SPATA6: variants seen among roughly 807,000 people sequenced by gnomAD.
SPATA6 encodes the protein spermatogenesis associated 6.
SPATA6 carries 56 observed loss-of-function variants against 65.3 expected under a neutral mutation model. That is an observed-to-expected ratio of 0.86 (90% CI 0.69 to 1.07). The LOEUF is 1.07. Ranked by LOEUF, SPATA6 falls within the 50% of genes least tolerant of loss-of-function variation. The pLI is 0.00. For missense variants in SPATA6, 590 were observed against 594.8 expected (o/e 0.99, Z 0.08); for synonymous variants, 199 against 213.2 (o/e 0.93, Z 0.58).
At chr1:48,314,292 T>C (rs528266898) in intron 11 of SPATA6, among the ~76,000 whole-genome samples, 111 of 152,252 alleles carry the variant, frequency 7.3e-4, no homozygotes, top group African/African-American at 2.6e-3. Context: ...TAGTTGGAAG[T>C]AAAGCACTCC....
intron 1 of SPATA6, 61 bp downstream of exon 1, chr1:48,471,897 G>C: frequency 1.3e-6 from 2 of 1,588,376 alleles, no homozygotes; most frequent in Non-Finnish European, 1.7e-6. Flanking sequence ...CGGGCTCTCG[G>C]AGGTGACTGA....
chr1:48,267,211 G>A, the SPATA6 span, among the ~76,000 whole-genome samples: 22 of 152,208 alleles, frequency 1.4e-4, no homozygotes, highest in East Asian at 3.9e-3. Flanking sequence ...GCATGCAGAC[G>A]GGCAGGTCGT....
At chr1:48,362,407 C>A (rs1037259496) in intron 9 of SPATA6, among the ~76,000 whole-genome samples, 1 of 151,928 alleles carries the variant, frequency 6.6e-6, no homozygotes, top group Non-Finnish European at 1.5e-5. Flanking sequence ...GATGGCAGAC[C>A]ACTTCATTTT....
chr1:48,280,762 G>A, the SPATA6 span, among the ~76,000 whole-genome samples: 2 of 152,124 alleles, frequency 1.3e-5, no homozygotes, highest in Non-Finnish European at 2.9e-5. Flanking sequence ...GTACAAGGAG[G>A]AACTGGTACC....
chr1:48,304,999 G>A (rs1645026868), intron 12 of SPATA6, among the ~76,000 whole-genome samples: 1 of 152,108 alleles, frequency 6.6e-6, no homozygotes, highest in African/African-American at 2.4e-5. Context: ...TTAAAGAGAG[G>A]CCTAGGTTGC....
chr1:48,365,716 A>T (rs1022131152), intron 9 of SPATA6, among the ~76,000 whole-genome samples: 1 of 152,010 alleles, frequency 6.6e-6, no homozygotes, highest in Admixed American at 6.6e-5. Flanking sequence ...GGTTTTCTAG[A>T]TATACAATCA....
At chr1:48,454,173 G>C (rs1307375905) in intron 1 of SPATA6, among the ~76,000 whole-genome samples, 2 of 151,904 alleles carry the variant, frequency 1.3e-5, no homozygotes, top group South Asian at 4.2e-4. Flanking sequence ...AGTCTCTCCA[G>C]TACCTACCAT....
intron 8 of SPATA6, among the ~76,000 whole-genome samples, chr1:48,394,120 C>T (rs1570434863): frequency 6.6e-6 from 1 of 152,030 alleles, no homozygotes. Context: ...AGCTATATGG[C>T]AATCCTTTGT....
downstream of SPATA6, among the ~76,000 whole-genome samples, chr1:48,294,372 C>T (rs1245651298): frequency 3.3e-5 from 5 of 152,096 alleles, no homozygotes; most frequent in Admixed American, 6.6e-5. Flanking sequence ...CCACTGCATC[C>T]GGCTGTCTAT....
downstream of SPATA6, among the ~76,000 whole-genome samples, chr1:48,290,757 T>A (rs940641471): frequency 6.6e-6 from 1 of 152,156 alleles, no homozygotes; most frequent in Non-Finnish European, 1.5e-5. Context: ...AAAAGGCCAT[T>A]ACATAATGGT....
At chr1:48,347,504 A>T (rs1646402552) in intron 11 of SPATA6, among the ~76,000 whole-genome samples, 1 of 146,360 alleles carries the variant, frequency 6.8e-6, no homozygotes, top group African/African-American at 2.5e-5. Context: ...ATGTATATAT[A>T]ATGTATATAT....
chr1:48,343,486 TCAATA>T (rs1646275670), intron 11 of SPATA6, among the ~76,000 whole-genome samples: 1 of 152,118 alleles, frequency 6.6e-6, no homozygotes, highest in Non-Finnish European at 1.5e-5. Context: ...ATAAGAAAAT[TCAATA>T]CTTTTGTAAC....
At chr1:48,413,259 C>A in intron 3 of SPATA6, 108 bp from the exon 4 acceptor site, 2 of 357,168 alleles carry the variant, frequency 5.6e-6, no homozygotes, top group East Asian at 7.2e-5. Flanking sequence ...AGGTAGACTA[C>A]ATATATGTTT....
At chr1:48,362,577 C>T (rs1463293641) in intron 9 of SPATA6, among the ~76,000 whole-genome samples, 2 of 152,074 alleles carry the variant, frequency 1.3e-5, no homozygotes, top group East Asian at 3.9e-4. Flanking sequence ...AACTCACAAT[C>T]CAGATGAGAC....
chr1:48,443,991 T>C (rs1655763302), intron 3 of SPATA6, among the ~76,000 whole-genome samples: 3 of 152,166 alleles, frequency 2.0e-5, no homozygotes, highest in African/African-American at 7.2e-5. Flanking sequence ...TGGAGGACAC[T>C]ACAACTGCAG....
intron 5 of SPATA6, among the ~76,000 whole-genome samples, chr1:48,411,064 A>G (rs2787882): frequency 0.43 from 64,940 of 152,038 alleles, 14,985 homozygotes; most frequent in African/African-American, 0.62. Context: ...TCAAATGTTT[A>G]TTATCATCCC....
chr1:48,288,450 C>G, the SPATA6 span, among the ~76,000 whole-genome samples: 1 of 152,174 alleles, frequency 6.6e-6, no homozygotes, highest in Non-Finnish European at 1.5e-5. Flanking sequence ...TCTGCATTTC[C>G]AACTGAGGTA....
chr1:48,315,344 G>T (rs1035775226), intron 11 of SPATA6, among the ~76,000 whole-genome samples: 9 of 152,080 alleles, frequency 5.9e-5, no homozygotes, highest in Non-Finnish European at 1.2e-4. Flanking sequence ...TATCCATCAT[G>T]ATCAAGTGGG....
At chr1:48,279,092 G>A in the SPATA6 span, among the ~76,000 whole-genome samples, 1 of 152,112 alleles carries the variant, frequency 6.6e-6, no homozygotes, top group Non-Finnish European at 1.5e-5. Flanking sequence ...AGCTTCATAA[G>A]TGAAGGAGAA....
Sources: gnomAD v4.1 joint callset for allele counts (sites outside exome capture counted in the v4.1 genomes callset) on GRCh38, gnomAD v4.1.1 for gene constraint, MANE v1.5 for transcripts, NCBI Gene and HGNC (gene_info 2026-07-23, HGNC 2026-07-21) for gene names.